MAB21L4: variants seen among roughly 807,000 people sequenced by gnomAD.
The protein encoded by MAB21L4 is mab-21 like 4, also known as protein mab-21-like 4.
In MAB21L4, 25 loss-of-function variants were observed where a neutral mutation model predicts 32.4. That is an observed-to-expected ratio of 0.77 (90% CI 0.56 to 1.08). The LOEUF (loss-of-function observed/expected upper bound fraction) is 1.08. Among genes scored for constraint, MAB21L4 ranks in the 50% least tolerant of loss-of-function variants. MAB21L4 has a pLI of 0.00. For missense variants in MAB21L4, 638 were observed against 611.0 expected (o/e 1.04, Z -0.47); for synonymous variants, 280 against 276.8 (o/e 1.01, Z -0.11).
rs1414679147 is a variant in MAB21L4 at position 240,896,147 on chromosome 2, A to G, written c.-150T>C. 6 of 1,348,050 alleles carry G rather than the reference A, an allele frequency of 4.5e-6. No individual in the cohort carries two copies. The highest frequency in any genetic ancestry group is 1.5e-5 in the African/African-American group (1 of 67,510). 83.5% of individuals were successfully genotyped at this position (1,348,050 alleles called of 1,614,324 possible). A position where few individuals can be genotyped will look rare whatever the true frequency, so the allele number is the denominator to read the frequency against. ...TCCCACACAGCAGAATTCCAGAGTG[A>G]CAGCACAGTGTGGCAGGTGAAATAG... On this transcript the variant is annotated 5_prime_UTR_variant, in exon 1 of 5. Coordinates refer to ENST00000388934, the MANE Select transcript of MAB21L4 (RefSeq NM_001085437.3).
Position 240,891,618 on chromosome 2 carries a change from C to T in MAB21L4, c.660G>A (p.Met220Ile). The change falls in exon 2 of 5, where the codon ATG becomes ATA. Residue 220 changes from methionine (M) to isoleucine (I), a missense_variant. Coordinates refer to ENST00000388934, the MANE Select transcript of MAB21L4 (RefSeq NM_001085437.3). ...GAPALEGVQQ[M>I]PGFPEGSLRR... Reference sequence around the variant, plus strand: ...TCAAGCTGCCCTCAGGGAATCCGGGCATCTGCTGCACCCCCTCCAGGGCAG... The same window carrying T: ...TCAAGCTGCCCTCAGGGAATCCGGGTATCTGCTGCACCCCCTCCAGGGCAG... 1 of 1,609,650 alleles carries T rather than the reference C, an allele frequency of 6.2e-7. No individual in the cohort carries two copies. The highest frequency in any genetic ancestry group is 8.5e-7 in the Non-Finnish European group (1 of 1,179,958).
At chr2:240,894,004 A>C (rs564829156) in intron 1 of MAB21L4, among the ~76,000 whole-genome samples, 1 of 152,092 alleles carries the variant, frequency 6.6e-6, no homozygotes, top group Non-Finnish European at 1.5e-5. Context: ...AGGTCAGGTC[A>C]GTCACTTACC....
At position 240,891,570 on chromosome 2, in the gene MAB21L4, C is replaced by T. The variant is rs2059149900; in HGVS notation, c.708G>A (p.Val236=). The T allele has an allele frequency of 6.2e-7, 1 of 1,610,944 alleles. No individual in the cohort carries two copies. The highest frequency in any genetic ancestry group is 1.1e-5 in the South Asian group (1 of 91,046). The change falls in exon 2 of 5, where the codon GTG becomes GTA. Residue 236 remains valine, a synonymous_variant. Coordinates refer to ENST00000388934, the MANE Select transcript of MAB21L4 (RefSeq NM_001085437.3). Reference sequence around the variant, plus strand: ...GCTGGGCGCTGGCCGGCACCAGGTCCACCCCTTGGCTGAGGATCCTTCTCA... The same window carrying T: ...GCTGGGCGCTGGCCGGCACCAGGTCTACCCCTTGGCTGAGGATCCTTCTCA... ...GSLRRILSQG[V]DLVPASAQLW...
intron 3 of MAB21L4, among the ~76,000 whole-genome samples, chr2:240,889,439 C>T (rs529615151): frequency 6.6e-6 from 1 of 152,292 alleles, no homozygotes; most frequent in African/African-American, 2.4e-5. Flanking sequence ...CCGAGCAGAC[C>T]CCAAGACAGC....
rs201722293 is a variant in MAB21L4 at position 240,891,644 on chromosome 2, G to T, written c.634C>A (p.Pro212Thr). Residue 212 changes from proline (P) to threonine (T), a missense_variant, in exon 2 of 5, where the codon CCT (proline) becomes ACT (threonine). Pro to Thr is a conservative substitution (Grantham distance 38). Transcript: ENST00000388934. Reference protein sequence around the residue: ...VPVVRRKLGAPALEGVQQMPG... With the variant: ...VPVVRRKLGATALEGVQQMPG... ...ATCTGCTGCACCCCCTCCAGGGCAG[G>T]CGCCCCAAGCTTCCTTCTCACCACG... 26 of 1,608,822 alleles carry T rather than the reference G, an allele frequency of 1.6e-5. No homozygotes were observed. The highest frequency in any genetic ancestry group is 8.8e-5 in the South Asian group (8 of 91,086).
intron 2 of MAB21L4, 53 bp downstream of exon 2, chr2:240,891,485 G>C (rs1414927522): frequency 1.4e-6 from 2 of 1,473,600 alleles, no homozygotes; most frequent in African/African-American, 2.8e-5. Context: ...TGGGGGCAGT[G>C]GCCCCTTCCT....
chr2:240,895,274 T>C (rs1310651368), intron 1 of MAB21L4, among the ~76,000 whole-genome samples: 1 of 152,212 alleles, frequency 6.6e-6, no homozygotes, highest in Non-Finnish European at 1.5e-5. Flanking sequence ...TCTCCCGACT[T>C]CTGTGCCCCA....
At position 240,887,109 on chromosome 2, in the gene MAB21L4, G is replaced by T. The variant is rs1230582630; in HGVS notation, c.1305C>A (p.Ile435=). The T allele has an allele frequency of 3.7e-6, 6 of 1,614,084 alleles. No individual in the cohort carries two copies. Among genetic ancestry groups the T allele is most frequent in the East Asian group, 2.2e-5 (1 of 44,906 alleles). ...DKDRISAMQS[I]FQKTRTLGGE... Reference sequence around the variant, plus strand: ...CTCCCAGAGTCCTGGTCTTCTGGAAGATGCTCTGCATGGCAGAGATCCGGT... The same window carrying T: ...CTCCCAGAGTCCTGGTCTTCTGGAATATGCTCTGCATGGCAGAGATCCGGT... The change falls in exon 5 of 5, where the codon ATC becomes ATA. Residue 435 remains isoleucine (I), a synonymous_variant. Coordinates refer to ENST00000388934, the MANE Select transcript of MAB21L4 (RefSeq NM_001085437.3).
intron 4 of MAB21L4, among the ~76,000 whole-genome samples, chr2:240,887,856 G>A (rs1428209171): frequency 2.0e-5 from 3 of 152,160 alleles, no homozygotes; most frequent in Non-Finnish European, 2.9e-5. Context: ...TGGCCCAGGG[G>A]ACACAGGGTC....
chr2:240,894,270 T>C (rs2059172820), intron 1 of MAB21L4, among the ~76,000 whole-genome samples: 1 of 151,482 alleles, frequency 6.6e-6, no homozygotes, highest in Non-Finnish European at 1.5e-5. Flanking sequence ...ACTAGGGAGG[T>C]GACTCGAGGC....
Position 240,890,182 on chromosome 2 carries a change from G to A in MAB21L4, c.741-24C>T, listed in dbSNP as rs59100207. ...TCCTGGGGCCCAGACAGACGCACTG[G>A]GTCAGCCCCCGCCGCTGTTGGCCCC... On this transcript the variant is annotated intron_variant, in intron 2 of 4. Transcript: ENST00000388934. 4.4e-6 allele frequency: 7 copies of A among 1,575,086 alleles called. No homozygotes were observed. The South Asian group carries it at 6.8e-5, about 15-fold the overall frequency.
Position 240,895,786 on chromosome 2 carries a change from G to A in MAB21L4, c.212C>T (p.Ala71Val). 1 of 1,607,628 alleles carries A rather than the reference G, an allele frequency of 6.2e-7. No individual in the cohort carries two copies. The highest frequency in any genetic ancestry group is 8.5e-7 in the Non-Finnish European group (1 of 1,176,188). ...YSRGLEAFQF[A>V]LRSSEDPMDM... ...CATTGGGTCCTCAGAGGAGCGCAGG[G>A]CGAACTGGAAGGCCTCCAGGCCACG... Residue 71 changes from alanine (A) to valine (V), a missense_variant, in exon 1 of 5, where the codon GCC becomes GTC. Ala to Val is a moderately conservative substitution (Grantham distance 64). Coordinates refer to ENST00000388934, the MANE Select transcript of MAB21L4 (RefSeq NM_001085437.3).
chr2:240,891,431 G>T, intron 2 of MAB21L4, 107 bp downstream of exon 2: 1 of 1,048,512 alleles, frequency 9.5e-7, no homozygotes, highest in South Asian at 1.5e-5. Context: ...GGCAGAGGCA[G>T]ACGGAGGACC....
chr2:240,895,457 C>A (rs1410829855), intron 1 of MAB21L4, 27 bp downstream of exon 1: 5 of 1,495,144 alleles, frequency 3.3e-6, no homozygotes, highest in African/African-American at 1.4e-5. Context: ...CACGCAGATA[C>A]GCGTGCAGAG....
rs759975976 is a variant in MAB21L4, at chr2:240,895,832, G to C, written c.166C>G (p.Arg56Gly). The C allele has an allele frequency of 6.3e-7, 1 of 1,586,084 alleles. No homozygotes were observed. The highest frequency in any genetic ancestry group is 8.6e-7 in the Non-Finnish European group (1 of 1,163,628). ...VLERVHALDPRFIVDYSRGLE... is the reference protein window; with the variant it reads ...VLERVHALDPGFIVDYSRGLE... ...CCACGGGAGTAGTCCACGATGAAGCGGGGGTCCAGGGCATGCACGCGCTCC... is the reference window on the plus strand; with the variant it reads ...CCACGGGAGTAGTCCACGATGAAGCCGGGGTCCAGGGCATGCACGCGCTCC... The change falls in exon 1 of 5, where the codon CGC becomes GGC. Residue 56 changes from arginine to glycine, a missense_variant. Physicochemically the swap from Arg to Gly is moderately radical, Grantham distance 125. Coordinates refer to ENST00000388934, the MANE Select transcript of MAB21L4 (RefSeq NM_001085437.3).
In MAB21L4 at chr2:240,886,525, G is replaced by A. The variant is rs1360771736; in HGVS notation, c.*545C>T. ...TGGCTTTAGTTTGCTCTAAGAACGA[G>A]GTAGGAGGTGGGGATGCCTGGGGAA... On this transcript the variant is annotated 3_prime_UTR_variant, in exon 5 of 5. Coordinates refer to ENST00000388934, the MANE Select transcript of MAB21L4 (RefSeq NM_001085437.3). 1 of 152,790 alleles carries A rather than the reference G, an allele frequency of 6.5e-6. No homozygotes were observed. The highest frequency in any genetic ancestry group is 1.9e-4 in the East Asian group (1 of 5,200). 9.5% of individuals were successfully genotyped at this position (152,790 alleles called of 1,614,324 possible).
At chr2:240,892,148 G>C in intron 1 of MAB21L4, 7 of 1,035,750 alleles carry the variant, frequency 6.8e-6, no homozygotes, top group Non-Finnish European at 7.9e-6. Context: ...TGCTCACTCT[G>C]CCCCAGCCCT....
At chr2:240,892,346 C>A (rs1044278329) in intron 1 of MAB21L4, among the ~76,000 whole-genome samples, 10 of 151,766 alleles carry the variant, frequency 6.6e-5, no homozygotes, top group Non-Finnish European at 1.2e-4. Flanking sequence ...CCTCCTCCCC[C>A]CTGCCCCCTG....
chr2:240,889,145 C>T (rs1160095624), intron 3 of MAB21L4, among the ~76,000 whole-genome samples: 1 of 152,212 alleles, frequency 6.6e-6, no homozygotes, highest in Non-Finnish European at 1.5e-5. Flanking sequence ...CTGCCCCAGG[C>T]CCTGTCTCAC....
Sources: allele counts gnomAD v4.1 joint callset (sites outside exome capture counted in the v4.1 genomes callset), GRCh38; gene constraint gnomAD v4.1.1; transcripts MANE v1.5; gene names NCBI Gene and HGNC (gene_info 2026-07-23, HGNC 2026-07-21).